Variants in PTPRD observed in about 807,000 individuals in gnomAD.
PTPRD encodes protein tyrosine phosphatase receptor type D.
PTPRD carries 34 observed loss-of-function variants against 214.5 expected under a neutral mutation model. The ratio of observed to expected loss-of-function variants is 0.16; its 90% CI spans 0.12 to 0.21. PTPRD has a LOEUF of 0.21. Ranked by LOEUF, PTPRD falls within the 10% of genes least tolerant of loss-of-function variation. The pLI is 1.00. For synonymous variants in PTPRD, 1,128 were observed against 845.7 expected (o/e 1.33, Z -5.79); for missense variants, 2,545 against 2,398.7 (o/e 1.06, Z -1.27).
intron 5 of PTPRD, among the ~76,000 whole-genome samples, chr9:9,831,942 T>A (rs754397996): frequency 6.6e-6 from 1 of 151,996 alleles, no homozygotes; most frequent in Non-Finnish European, 1.5e-5. Context: ...CAACCGCGAA[T>A]CTCATTAAGT....
chr9:9,825,451 GA>G (rs1275070347), intron 5 of PTPRD, among the ~76,000 whole-genome samples: 2 of 151,408 alleles, frequency 1.3e-5, no homozygotes, highest in Non-Finnish European at 3.0e-5. Flanking sequence ...GAAAGAAAGA[GA>G]AAGAGAGAAA....
At chr9:9,817,156 T>A (rs76068296) in intron 5 of PTPRD, among the ~76,000 whole-genome samples, 2 of 152,106 alleles carry the variant, frequency 1.3e-5, no homozygotes, top group Non-Finnish European at 2.9e-5. Flanking sequence ...ACAAGTCATA[T>A]AAATAAAACA....
At chr9:9,250,604 C>T (rs1236657627) in intron 9 of PTPRD, among the ~76,000 whole-genome samples, 3 of 152,072 alleles carry the variant, frequency 2.0e-5, no homozygotes, top group African/African-American at 7.2e-5. Context: ...TAAAGCCATT[C>T]TCATATGCAC....
intron 11 of PTPRD, among the ~76,000 whole-genome samples, chr9:8,995,848 C>T (rs1379343580): frequency 6.6e-6 from 1 of 151,476 alleles, no homozygotes; most frequent in East Asian, 1.9e-4. Flanking sequence ...GAGGGGCAAA[C>T]TGACACAATG....
intron 11 of PTPRD, among the ~76,000 whole-genome samples, chr9:8,939,680 C>G (rs1311180927): frequency 1.3e-5 from 2 of 152,056 alleles, no homozygotes; most frequent in Non-Finnish European, 2.9e-5. Context: ...TTAACTATTT[C>G]TTTCCTTTTA....
At chr9:8,987,924 C>T (rs1451182288) in intron 11 of PTPRD, among the ~76,000 whole-genome samples, 1 of 151,896 alleles carries the variant, frequency 6.6e-6, no homozygotes, top group East Asian at 1.9e-4. Context: ...GGCTGAATGA[C>T]CCTTGTAAAG....
chr9:9,733,293 A>G (rs769468905), intron 7 of PTPRD, among the ~76,000 whole-genome samples: 3 of 152,188 alleles, frequency 2.0e-5, no homozygotes, highest in Non-Finnish European at 2.9e-5. Context: ...TGCACTGATG[A>G]TGGAGAGAGA....
intron 39 of PTPRD, among the ~76,000 whole-genome samples, chr9:8,350,790 A>G (rs2075239372): frequency 6.6e-6 from 1 of 152,202 alleles, no homozygotes; most frequent in African/African-American, 2.4e-5. Flanking sequence ...TTAAAATGAA[A>G]AAAAATTGAA....
intron 11 of PTPRD, among the ~76,000 whole-genome samples, chr9:8,840,661 A>T (rs919273349): frequency 3.3e-5 from 5 of 152,216 alleles, no homozygotes; most frequent in Non-Finnish European, 5.9e-5. Flanking sequence ...CAGAATGTGA[A>T]CTACCACTGG....
chr9:8,538,563 G>C (rs1400921892), intron 14 of PTPRD, among the ~76,000 whole-genome samples: 1 of 151,514 alleles, frequency 6.6e-6, no homozygotes, highest in Admixed American at 6.6e-5. Flanking sequence ...CAATTGTGTA[G>C]TGTTGGATTG....
At chr9:9,754,550 A>G (rs545524279) in intron 6 of PTPRD, among the ~76,000 whole-genome samples, 1 of 152,026 alleles carries the variant, frequency 6.6e-6, no homozygotes, top group Non-Finnish European at 1.5e-5. Flanking sequence ...AGCATCTTTG[A>G]GACATTTTAT....
chr9:10,541,312 A>C (rs991785763), intron 2 of PTPRD, among the ~76,000 whole-genome samples: 2 of 152,174 alleles, frequency 1.3e-5, no homozygotes, highest in African/African-American at 4.8e-5. Context: ...TGTCATTTCC[A>C]CAGAAAAACA....
chr9:9,289,628 T>C (rs1028119084), intron 9 of PTPRD, among the ~76,000 whole-genome samples: 3 of 151,732 alleles, frequency 2.0e-5, no homozygotes, highest in Non-Finnish European at 4.4e-5. Flanking sequence ...CCTATTTACA[T>C]CAGCCCCCAG....
chr9:9,582,560 A>C (rs1214831476), intron 7 of PTPRD, among the ~76,000 whole-genome samples: 1 of 152,158 alleles, frequency 6.6e-6, no homozygotes, highest in Non-Finnish European at 1.5e-5. Context: ...AAAGTTTATC[A>C]GAGAATAAAA....
intron 9 of PTPRD, among the ~76,000 whole-genome samples, chr9:9,278,278 T>C (rs1946389084): frequency 6.6e-6 from 1 of 151,308 alleles, no homozygotes; most frequent in Admixed American, 6.6e-5. Flanking sequence ...ACTGGCATTT[T>C]CAGAATCTTT....
At chr9:10,564,391 C>A (rs556532541) in intron 2 of PTPRD, among the ~76,000 whole-genome samples, 15 of 149,856 alleles carry the variant, frequency 1.0e-4, no homozygotes, top group South Asian at 4.2e-4. Context: ...TAACTGACTT[C>A]TTTTAAATTT....
chr9:9,609,209 A>C (rs919611042), intron 7 of PTPRD, among the ~76,000 whole-genome samples: 11 of 152,184 alleles, frequency 7.2e-5, no homozygotes, highest in African/African-American at 2.2e-4. Context: ...TTAAAAGCCC[A>C]ATATTTAAAA....
intron 39 of PTPRD, among the ~76,000 whole-genome samples, chr9:8,364,511 A>G (rs987691983): frequency 3.3e-5 from 5 of 152,220 alleles, no homozygotes; most frequent in African/African-American, 1.2e-4. Context: ...TATCGACACT[A>G]AAAAGCTCAT....
intron 12 of PTPRD, among the ~76,000 whole-genome samples, chr9:8,718,851 G>A (rs1383380682): frequency 6.6e-6 from 1 of 152,138 alleles, no homozygotes; most frequent in East Asian, 1.9e-4. Context: ...TTGCTGGCAC[G>A]ATGGAGCGTA....
Sources: allele counts gnomAD v4.1 joint callset (sites outside exome capture counted in the v4.1 genomes callset), GRCh38; gene constraint gnomAD v4.1.1; transcripts MANE v1.5; gene names NCBI Gene and HGNC (gene_info 2026-07-23, HGNC 2026-07-21).